The following CYB5D2 variants were observed in gnomAD, a reference collection of about 807,000 sequenced individuals.
CYB5D2 encodes the protein cytochrome b5 domain containing 2.
CYB5D2 carries 23 observed loss-of-function variants against 22.8 expected under a neutral mutation model. The ratio of observed to expected loss-of-function variants is 1.01; its 90% CI spans 0.73 to 1.43. The LOEUF is 1.43. CYB5D2 is among the 40% of genes most tolerant of loss of function. CYB5D2 has a pLI of 0.00. For missense variants in CYB5D2, 373 were observed against 357.2 expected, an observed-to-expected ratio of 1.04 and a Z score of -0.36; for synonymous variants, 170 against 152.2, an observed-to-expected ratio of 1.12 and a Z score of -0.86.
chr17:4,156,813 C>G (rs2059116439), intron 3 of CYB5D2, 53 bp from the exon 4 acceptor site: 8 of 1,588,044 alleles, frequency 5.0e-6, no homozygotes, highest in Non-Finnish European at 6.9e-6. Context: ...CTCCCCTTCC[C>G]AGAGACTCAT....
In CYB5D2 at chr17:4,143,827, G is replaced by A. The variant is rs763527487; in HGVS notation, c.72G>A (p.Arg24=). 2 of 1,614,158 alleles carry A rather than the reference G, an allele frequency of 1.2e-6. No homozygotes were observed. The highest frequency in any genetic ancestry group is 1.7e-5 in the Admixed American group (1 of 60,032). ...CCGCAGCAGCGGTAATGGCAGCACGGCTTATGGGCTGGTGGGGTCCCCGCG... is the reference window on the plus strand; with the variant it reads ...CCGCAGCAGCGGTAATGGCAGCACGACTTATGGGCTGGTGGGGTCCCCGCG... ...AVAAAAVMAA[R]LMGWWGPRAG... Residue 24 remains arginine (R), a synonymous_variant, in exon 1 of 4, where the codon CGG becomes CGA. Coordinates refer to ENST00000301391, the MANE Select transcript of CYB5D2 (RefSeq NM_144611.4).
Sources: gnomAD v4.1 joint callset for allele counts on GRCh38, gnomAD v4.1.1 for gene constraint, MANE v1.5 for transcripts, NCBI Gene and HGNC (gene_info 2026-07-23, HGNC 2026-07-21) for gene names.